SCHIP1: variants seen among roughly 807,000 people sequenced by gnomAD.
SCHIP1 encodes schwannomin-interacting protein 1.
Under a neutral mutation model 29.7 loss-of-function variants are expected in SCHIP1, and 8 were observed. That is an observed-to-expected ratio of 0.27 (90% CI 0.16 to 0.49). The LOEUF is 0.49. SCHIP1 is among the 20% of genes least tolerant of loss of function. SCHIP1 has a pLI of 0.99. For missense variants in SCHIP1, 193 were observed against 294.6 expected, an observed-to-expected ratio of 0.66 and a Z score of 2.52; for synonymous variants, 76 against 94.9, an observed-to-expected ratio of 0.80 and a Z score of 1.16.
At chr3:159,375,874 A>G in the SCHIP1 span, 4,548 of 391,370 alleles carry the variant, frequency 0.012, 33 homozygotes, top group South Asian at 0.019. Context: ...GAAAACTTGG[A>G]GGAAATTTAG....
the SCHIP1 span, among the ~76,000 whole-genome samples, chr3:159,548,542 T>G: frequency 1.2e-4 from 18 of 151,996 alleles, no homozygotes; most frequent in Non-Finnish European, 1.5e-5. Context: ...TCCAATGATA[T>G]ATATCTTAAC....
chr3:159,300,113 CTTTTTTTTTTTTTT>C, the SCHIP1 span, among the ~76,000 whole-genome samples: 1 of 45,358 alleles, frequency 2.2e-5, no homozygotes, highest in East Asian at 6.9e-4. Flanking sequence ...GGGAAAGCTG[CTTTTTTTTTTTTTT>C]TTTTTTTTTT....
At chr3:159,730,435 T>C in the SCHIP1 span, among the ~76,000 whole-genome samples, 1 of 152,230 alleles carries the variant, frequency 6.6e-6, no homozygotes, top group Non-Finnish European at 1.5e-5. Flanking sequence ...TGGTACATGA[T>C]GAGCAATCAA....
chr3:159,628,138 G>C, the SCHIP1 span, among the ~76,000 whole-genome samples: 2 of 152,310 alleles, frequency 1.3e-5, no homozygotes, highest in South Asian at 4.1e-4. Context: ...TTGTAGAGCT[G>C]TGAGATCAAA....
the SCHIP1 span, among the ~76,000 whole-genome samples, chr3:159,277,747 C>T: frequency 6.6e-6 from 1 of 151,866 alleles, no homozygotes; most frequent in Non-Finnish European, 1.5e-5. Context: ...AGTGATGAAA[C>T]CCTGTCTACT....
the SCHIP1 span, among the ~76,000 whole-genome samples, chr3:159,322,317 C>A: frequency 6.6e-6 from 1 of 152,274 alleles, no homozygotes; most frequent in East Asian, 1.9e-4. Context: ...GCTGTGAAAA[C>A]AGCATAAAAT....
the SCHIP1 span, among the ~76,000 whole-genome samples, chr3:159,798,624 G>A: frequency 1.3e-5 from 2 of 152,040 alleles, no homozygotes; most frequent in Non-Finnish European, 1.5e-5. Flanking sequence ...TGGGCGTGGT[G>A]GTGCACACCT....
the SCHIP1 span, among the ~76,000 whole-genome samples, chr3:159,591,772 G>A: frequency 1.3e-4 from 20 of 151,854 alleles, no homozygotes; most frequent in Non-Finnish European, 7.4e-5. Context: ...CTGTCGGGGG[G>A]TTGGGGTCAA....
At chr3:159,295,921 C>T in the SCHIP1 span, among the ~76,000 whole-genome samples, 1 of 151,850 alleles carries the variant, frequency 6.6e-6, no homozygotes, top group South Asian at 2.1e-4. Flanking sequence ...ACATATATGT[C>T]AATGATACGG....
At chr3:159,282,457 T>C in the SCHIP1 span, among the ~76,000 whole-genome samples, 1 of 141,208 alleles carries the variant, frequency 7.1e-6, no homozygotes, top group Non-Finnish European at 1.6e-5. Context: ...AGATTGCATA[T>C]TTCAATCTTT....
chr3:159,731,572 C>A, the SCHIP1 span, among the ~76,000 whole-genome samples: 1 of 152,174 alleles, frequency 6.6e-6, no homozygotes, highest in East Asian at 1.9e-4. Context: ...CAGGATGCAG[C>A]GCAAATGTGT....
chr3:159,859,863 C>T (rs62270404), intron 1 of SCHIP1, among the ~76,000 whole-genome samples: 52,257 of 152,122 alleles, frequency 0.34, 9,134 homozygotes, highest in East Asian at 0.6. Context: ...TCACCTCCAC[C>T]CCAGACTTTC....
the SCHIP1 span, among the ~76,000 whole-genome samples, chr3:159,798,167 A>G: frequency 3.3e-5 from 5 of 152,182 alleles, no homozygotes; most frequent in Non-Finnish European, 7.3e-5. Flanking sequence ...ATTTTATATA[A>G]CAATTAGTAT....
the SCHIP1 span, among the ~76,000 whole-genome samples, chr3:159,701,123 T>C: frequency 2.6e-5 from 4 of 152,272 alleles, no homozygotes; most frequent in African/African-American, 7.2e-5. Context: ...TTCCAGAATA[T>C]ACACCAGACT....
chr3:159,300,783 C>A, the SCHIP1 span, among the ~76,000 whole-genome samples: 2 of 152,136 alleles, frequency 1.3e-5, no homozygotes, highest in Non-Finnish European at 2.9e-5. Context: ...TTTCTCAAGC[C>A]ATAATTCCTC....
chr3:159,275,201 GA>G, the SCHIP1 span: 1 of 428,590 alleles, frequency 2.3e-6, no homozygotes, highest in African/African-American at 2.2e-5. Flanking sequence ...CTCAGTTTTT[GA>G]AAAGAATGAA....
chr3:159,710,031 G>C, the SCHIP1 span, among the ~76,000 whole-genome samples: 2 of 152,234 alleles, frequency 1.3e-5, no homozygotes, highest in East Asian at 3.9e-4. Context: ...ATAATATGGA[G>C]ATTCCTCCAA....
chr3:159,273,933 C>T, the SCHIP1 span: 2 of 1,602,054 alleles, frequency 1.2e-6, no homozygotes, highest in African/African-American at 1.3e-5. Flanking sequence ...CATATTTTTA[C>T]AAATGAAGAG....
the SCHIP1 span, among the ~76,000 whole-genome samples, chr3:159,661,596 C>A: frequency 6.6e-6 from 1 of 152,120 alleles, no homozygotes; most frequent in Non-Finnish European, 1.5e-5. Flanking sequence ...GTGAAATGTG[C>A]CCCAAACACG....
Sources: allele counts gnomAD v4.1 joint callset (sites outside exome capture counted in the v4.1 genomes callset), GRCh38; gene constraint gnomAD v4.1.1; transcripts MANE v1.5; gene names NCBI Gene and HGNC (gene_info 2026-07-23, HGNC 2026-07-21).